Variants in SLC22A25 observed in about 807,000 individuals in gnomAD.
The protein encoded by SLC22A25 is MGI:2442751, MGI:2385316, MGI:3042283, MGI:3645714, MGI:3605624, MGI:2442750.
A neutral mutation model predicts 45.9 loss-of-function variants in SLC22A25; 44 were observed. The observed-to-expected ratio is 0.96, with a 90% CI of 0.75 to 1.23. The LOEUF (loss-of-function observed/expected upper bound fraction) is 1.23. Among genes scored for constraint, SLC22A25 ranks in the 50% most tolerant of loss-of-function variants. The pLI is 0.00. For synonymous variants in SLC22A25, 283 were observed against 238.6 expected (o/e 1.19, Z -1.72); for missense variants, 800 against 666.4 (o/e 1.20, Z -2.21).
At chr11:63,188,633 G>A (rs531267173) in intron 7 of SLC22A25, among the ~76,000 whole-genome samples, 80 of 152,054 alleles carry the variant, frequency 5.3e-4, no homozygotes, top group South Asian at 1.5e-3. Flanking sequence ...TTTAATTGCG[G>A]TGTTAGGGTG....
At chr11:63,178,796 C>A (rs2088211881) in intron 9 of SLC22A25, among the ~76,000 whole-genome samples, 1 of 151,832 alleles carries the variant, frequency 6.6e-6, no homozygotes, top group African/African-American at 2.4e-5. Flanking sequence ...CTTTGTTGTG[C>A]AGAAGATTTT....
chr11:63,170,059 A>C (rs149893713), intron 9 of SLC22A25, among the ~76,000 whole-genome samples: 1,941 of 152,318 alleles, frequency 0.013, 21 homozygotes, highest in African/African-American at 0.032. Context: ...CTGCTCCTGA[A>C]TGACTACTGG....
intron 7 of SLC22A25, among the ~76,000 whole-genome samples, chr11:63,197,487 C>A (rs1035597263): frequency 5.3e-5 from 8 of 151,874 alleles, no homozygotes; most frequent in Non-Finnish European, 1.0e-4. Context: ...ACAAACCTGG[C>A]AAAAAGAAGA....
intron 7 of SLC22A25, among the ~76,000 whole-genome samples, chr11:63,192,216 A>G (rs1300784817): frequency 6.6e-6 from 1 of 152,224 alleles, no homozygotes; most frequent in Non-Finnish European, 1.5e-5. Flanking sequence ...TCTAATCCAG[A>G]ATTTCATATT....
At chr11:63,230,466 A>T (rs1434999539) in intron 3 of SLC22A25, among the ~76,000 whole-genome samples, 1 of 152,218 alleles carries the variant, frequency 6.6e-6, no homozygotes, top group Non-Finnish European at 1.5e-5. Flanking sequence ...AGTAAGATAG[A>T]GTACATAAAC....
At chr11:63,218,024 A>C (rs2134817722) in intron 5 of SLC22A25, 1 of 575,570 alleles carries the variant, frequency 1.7e-6, no homozygotes, top group South Asian at 1.6e-5. Context: ...ATGTTAACAC[A>C]CCAGAAATGT....
chr11:63,228,898 G>C (rs1485878169), intron 4 of SLC22A25, among the ~76,000 whole-genome samples: 1 of 152,168 alleles, frequency 6.6e-6, no homozygotes, highest in Non-Finnish European at 1.5e-5. Flanking sequence ...GTAAGATATA[G>C]TCTGGACTTG....
chr11:63,214,085 G>A (rs1442709003), intron 7 of SLC22A25, among the ~76,000 whole-genome samples: 1 of 152,174 alleles, frequency 6.6e-6, no homozygotes, highest in Non-Finnish European at 1.5e-5. Context: ...TTCCAGTTCA[G>A]ATTTGGTCCA....
Position 63,229,524 on chromosome 11 carries a change from G to A in SLC22A25, c.129C>T (p.Phe43=), listed in dbSNP as rs1348323111. Residue 43 remains phenylalanine, a synonymous_variant, in exon 4 of 12, where the codon TTC becomes TTT. Transcript: ENST00000306494. ...HQTQLENFAA[F]ILDHRCWVHI... ...GAACCCAGCAGCGATGATCAAGTAT[G>A]AATGCTGCGAAGTTCTCCAGCTGAG... 2 of 1,614,132 alleles carry A rather than the reference G, an allele frequency of 1.2e-6. No individual in the cohort carries two copies. The highest frequency in any genetic ancestry group is 1.7e-6 in the Non-Finnish European group (2 of 1,180,000).
chr11:63,196,272 A>T (rs745550844), intron 7 of SLC22A25, among the ~76,000 whole-genome samples: 14 of 152,186 alleles, frequency 9.2e-5, no homozygotes, highest in African/African-American at 1.4e-4. Flanking sequence ...CATAATCCTG[A>T]TACCAAAGCC....
At position 63,217,674 on chromosome 11, in the gene SLC22A25, C is replaced by T. The variant is rs1565114164; in HGVS notation, c.568G>A (p.Ala190Thr). Reference protein sequence around the residue: ...YLQLAIVGTCAAFAPTILVYC... With the variant: ...YLQLAIVGTCTAFAPTILVYC... Reference sequence around the variant, plus strand: ...ACGAGGATGGTGGGAGCAAAGGCCGCACAGGTGCCTACAATGGCGAGCTGG... The same window carrying T: ...ACGAGGATGGTGGGAGCAAAGGCCGTACAGGTGCCTACAATGGCGAGCTGG... Residue 190 changes from alanine (A) to threonine (T), a missense_variant, in exon 6 of 12, where the codon GCG becomes ACG. Coordinates refer to ENST00000306494, the MANE Select transcript of SLC22A25 (RefSeq NM_199352.6). 6.2e-7 allele frequency: 1 copy of T among 1,613,906 alleles called. No individual in the cohort carries two copies. The highest frequency in any genetic ancestry group is 8.5e-7 in the Non-Finnish European group (1 of 1,179,968).
chr11:63,196,537 C>A (rs2089039080), intron 7 of SLC22A25, among the ~76,000 whole-genome samples: 1 of 152,178 alleles, frequency 6.6e-6, no homozygotes, highest in Non-Finnish European at 1.5e-5. Context: ...CAGAAAAGGC[C>A]TTTGACAAAA....
chr11:63,199,547 C>G (rs950109623), intron 7 of SLC22A25, among the ~76,000 whole-genome samples: 1 of 152,058 alleles, frequency 6.6e-6, no homozygotes, highest in African/African-American at 2.4e-5. Flanking sequence ...TCAGCCTCCC[C>G]CTCCCGCCTC....
intron 7 of SLC22A25, among the ~76,000 whole-genome samples, chr11:63,187,929 T>C (rs1455711304): frequency 6.6e-6 from 1 of 152,150 alleles, no homozygotes; most frequent in Non-Finnish European, 1.5e-5. Context: ...TTTTGATGTG[T>C]TGCTGGATTT....
intron 9 of SLC22A25, among the ~76,000 whole-genome samples, chr11:63,178,182 C>A (rs1013279576): frequency 6.6e-6 from 1 of 151,924 alleles, no homozygotes; most frequent in Non-Finnish European, 1.5e-5. Flanking sequence ...TGGGCCACCA[C>A]GCCCTGCCAA....
At chr11:63,167,011 G>C (rs2087707832) in intron 9 of SLC22A25, 1 of 261,990 alleles carries the variant, frequency 3.8e-6, no homozygotes. Flanking sequence ...TAGACAGCGG[G>C]TGGGTGCAGC....
chr11:63,212,483 A>C (rs1026631440), intron 7 of SLC22A25, among the ~76,000 whole-genome samples: 1 of 152,200 alleles, frequency 6.6e-6, no homozygotes, highest in African/African-American at 2.4e-5. Flanking sequence ...AATACTATGC[A>C]GCCATAAAAA....
chr11:63,184,114 A>G (rs2088431314), intron 7 of SLC22A25, among the ~76,000 whole-genome samples: 1 of 152,062 alleles, frequency 6.6e-6, no homozygotes, highest in Non-Finnish European at 1.5e-5. Flanking sequence ...ACTTGTACAG[A>G]TGCCTGCCAA....
At chr11:63,211,194 T>G (rs769891552) in intron 7 of SLC22A25, among the ~76,000 whole-genome samples, 5 of 151,948 alleles carry the variant, frequency 3.3e-5, no homozygotes, top group Non-Finnish European at 7.4e-5. Context: ...TCGGTATGAG[T>G]CCGTCAATAC....
Sources: allele counts gnomAD v4.1 joint callset (sites outside exome capture counted in the v4.1 genomes callset), GRCh38; gene constraint gnomAD v4.1.1; transcripts MANE v1.5; gene names NCBI Gene and HGNC (gene_info 2026-07-23, HGNC 2026-07-21).